PRKN: variants seen among roughly 807,000 people sequenced by gnomAD.
PRKN encodes E3 ubiquitin-protein ligase parkin.
A neutral mutation model predicts 59.5 loss-of-function variants in PRKN; 56 were observed. That is an observed-to-expected ratio of 0.94 (90% confidence interval 0.76 to 1.18). The LOEUF is 1.18. PRKN is among the 50% of genes most tolerant of loss of function. The pLI, the probability that PRKN is intolerant of heterozygous loss-of-function variation, is 0.00. For synonymous variants in PRKN, 250 were observed against 222.1 expected, an observed-to-expected ratio of 1.13 and a Z score of -1.12; for missense variants, 657 against 596.4, an observed-to-expected ratio of 1.10 and a Z score of -1.06.
intron 4 of PRKN, among the ~76,000 whole-genome samples, chr6:162,166,548 T>C (rs1782997779): frequency 6.6e-6 from 1 of 152,184 alleles, no homozygotes; most frequent in Non-Finnish European, 1.5e-5. Context: ...TGAACATGTA[T>C]TGAACTTGTT....
At chr6:161,624,164 T>C (rs1783005092) in intron 7 of PRKN, among the ~76,000 whole-genome samples, 1 of 152,212 alleles carries the variant, frequency 6.6e-6, no homozygotes, top group Non-Finnish European at 1.5e-5. Flanking sequence ...AGCTAACAGT[T>C]ACAAAAAGAG....
At position 161,413,203 on chromosome 6, in the gene PRKN, T is replaced by G. The variant is rs1787670753; in HGVS notation, c.1084-26326A>C. Among the ~76,000 whole-genome samples the G allele has an allele frequency of 6.6e-6, 1 of 152,156 alleles. No individual in the cohort carries two copies. Among genetic ancestry groups the G allele is most frequent in the African/African-American group, 2.4e-5 (1 of 41,432 alleles). Reference sequence around the variant, plus strand: ...GGGTCGTGGGACCCCTTCCCATTTATTTGTGGAAACCCACTGTCTCCCGGA... The same window carrying G: ...GGGTCGTGGGACCCCTTCCCATTTAGTTGTGGAAACCCACTGTCTCCCGGA... On this transcript the variant is annotated intron_variant, in intron 9 of 11. Transcript: ENST00000366898. This position sits in a 1 kb window ranked among gnomAD's most constrained non-coding sequence, Gnocchi z 4.4.
chr6:161,904,369 G>T (rs1221084665), intron 6 of PRKN, among the ~76,000 whole-genome samples: 1 of 138,732 alleles, frequency 7.2e-6, no homozygotes, highest in East Asian at 2.2e-4. Context: ...AGGCTGGAGT[G>T]CAGTGGCACG....
chr6:161,657,774 C>T (rs1784402328), intron 7 of PRKN, among the ~76,000 whole-genome samples: 1 of 151,718 alleles, frequency 6.6e-6, no homozygotes, highest in African/African-American at 2.4e-5. Context: ...ACTTGTAATC[C>T]CAGCACTTTG....
At chr6:162,199,118 C>T (rs1039513509) in intron 4 of PRKN, among the ~76,000 whole-genome samples, 3 of 152,024 alleles carry the variant, frequency 2.0e-5, no homozygotes, top group Non-Finnish European at 4.4e-5. Context: ...CTGTCCTCAC[C>T]GCCCCCTACT....
At chr6:162,176,331 TG>T in intron 4 of PRKN, among the ~76,000 whole-genome samples, 1 of 152,270 alleles carries the variant, frequency 6.6e-6, no homozygotes, top group East Asian at 1.9e-4. Flanking sequence ...GCTAGGCTAG[TG>T]AAAGAACTGT....
At chr6:162,442,288 C>A (rs1304939827) in intron 2 of PRKN, among the ~76,000 whole-genome samples, 2 of 152,176 alleles carry the variant, frequency 1.3e-5, no homozygotes, top group African/African-American at 4.8e-5. Flanking sequence ...GACCCAGGAG[C>A]CCCCCTGCGC....
At chr6:161,384,071 G>T (rs1786121906) in intron 10 of PRKN, among the ~76,000 whole-genome samples, 1 of 152,166 alleles carries the variant, frequency 6.6e-6, no homozygotes, top group African/African-American at 2.4e-5. Flanking sequence ...TTTCTGGGAT[G>T]ACCCTGATGT....
rs546454132 is a variant in PRKN, at chr6:162,432,718, G to A, written c.171+10592C>T. Among the ~76,000 whole-genome samples the A allele has an allele frequency of 1.3e-3, 196 of 152,250 alleles. No individual in the cohort carries two copies. In the Middle Eastern group the frequency reaches 0.017, roughly 13 times the overall value. ...CAGAGGCAAAAATATAACTATTTAA[G>A]TGGGTCTTAGAATGTATTTTCTCTT... On this transcript the variant is annotated intron_variant, in intron 2 of 11. Transcript: ENST00000366898.
intron 1 of PRKN, among the ~76,000 whole-genome samples, chr6:162,632,515 G>T (rs1318129375): frequency 6.6e-6 from 1 of 152,042 alleles, no homozygotes; most frequent in East Asian, 1.9e-4. Context: ...AGGGAGGGAG[G>T]CATGGGTTGA....
Position 161,437,979 on chromosome 6 carries a change from A to T in PRKN, c.1084-51102T>A, listed in dbSNP as rs74923144. Among the ~76,000 whole-genome samples the T allele has an allele frequency of 7.9e-3, 1,197 of 152,226 alleles. 13 individuals carry two copies. Among genetic ancestry groups the T allele is most frequent in the East Asian group, 0.06 (309 of 5,174 alleles). ...ATTCTTCCCTTGTAATTGACACAGTAATTATATGAGCCCACATCTATCCTC... is the reference window on the plus strand; with the variant it reads ...ATTCTTCCCTTGTAATTGACACAGTTATTATATGAGCCCACATCTATCCTC... On this transcript the variant is annotated intron_variant, in intron 9 of 11. Transcript: ENST00000366898.
rs950433460 is a variant in PRKN at position 161,497,476 on chromosome 6, T to G, written c.1083+51378A>C. On this transcript the variant is annotated intron_variant, in intron 9 of 11. Transcript: ENST00000366898. This position sits in a 1 kb window ranked among gnomAD's most constrained non-coding sequence, Gnocchi z 4.6. ...AGAGATAAGAGACAGATATTACTCC[T>G]TTTTAAAACTCTGTATTCCCATTGA... Among the ~76,000 whole-genome samples the G allele has an allele frequency of 6.6e-6, 1 of 152,184 alleles. No homozygotes were observed. The highest frequency in any genetic ancestry group is 2.4e-5 in the African/African-American group (1 of 41,436).
rs533603194 is a variant in PRKN, at chr6:162,529,785, G to C, written c.8-86312C>G. Among the ~76,000 whole-genome samples the C allele has an allele frequency of 7.2e-5, 11 of 152,246 alleles. 1 individual carries two copies. Among genetic ancestry groups the C allele is most frequent in the African/African-American group, 1.4e-4 (6 of 41,536 alleles). On this transcript the variant is annotated intron_variant, in intron 1 of 11. Coordinates refer to ENST00000366898, the MANE Select transcript of PRKN (RefSeq NM_004562.3). ...CAACCTATGTAAGGGCAGGGTTTAT[G>C]GTCAAGGTTGTTTTGACCTAAGGCC...
chr6:162,236,705 G>A (rs1180317491), intron 3 of PRKN, among the ~76,000 whole-genome samples: 1 of 152,096 alleles, frequency 6.6e-6, no homozygotes, highest in Non-Finnish European at 1.5e-5. Flanking sequence ...TAAGGCAGGA[G>A]CATCGCTTGA....
At chr6:162,022,461 C>T (rs1162443635) in intron 5 of PRKN, among the ~76,000 whole-genome samples, 1 of 152,152 alleles carries the variant, frequency 6.6e-6, no homozygotes, top group African/African-American at 2.4e-5. Context: ...TGTTTGTTGG[C>T]TGCCTATATG....
intron 6 of PRKN, among the ~76,000 whole-genome samples, chr6:161,955,836 G>T: frequency 6.6e-6 from 1 of 152,124 alleles, no homozygotes; most frequent in Non-Finnish European, 1.5e-5. Flanking sequence ...GGCAAAAAGA[G>T]CTAAACTCTA....
At chr6:161,748,865 C>G (rs1385113532) in intron 7 of PRKN, among the ~76,000 whole-genome samples, 1 of 152,158 alleles carries the variant, frequency 6.6e-6, no homozygotes, top group African/African-American at 2.4e-5. Context: ...GGGATAGCTG[C>G]TTTGCTACAG....
In PRKN at chr6:161,419,965, G is replaced by A. The variant is rs563151898; in HGVS notation, c.1084-33088C>T. ...GTTTAAGAACTTGATAAGGCTGGGC[G>A]TGGTGGCTCACGCCTGTAATCCCAG... On this transcript the variant is annotated intron_variant, in intron 9 of 11. Transcript: ENST00000366898. This position sits in a 1 kb window ranked among gnomAD's most constrained non-coding sequence, Gnocchi z 4.1. 4.3e-4 allele frequency among the ~76,000 whole-genome samples: 65 copies of A among 152,126 alleles called. No homozygotes were observed. The highest frequency in any genetic ancestry group is 8.4e-4 in the Non-Finnish European group (57 of 67,996).
intron 2 of PRKN, among the ~76,000 whole-genome samples, chr6:162,315,745 G>A (rs140351302): frequency 6.6e-6 from 1 of 152,258 alleles, no homozygotes; most frequent in East Asian, 1.9e-4. Context: ...GAAGGGGCAG[G>A]ATAAAACTGC....
Sources: allele counts gnomAD v4.1 joint callset (sites outside exome capture counted in the v4.1 genomes callset), GRCh38; gene constraint gnomAD v4.1.1; non-coding constraint Gnocchi (gnomAD v3.1); transcripts MANE v1.5; gene names NCBI Gene and HGNC (gene_info 2026-07-23, HGNC 2026-07-21).